Variants in WNT4 observed in about 807,000 individuals in gnomAD.
WNT4 encodes the protein Wnt family member 4.
A neutral mutation model predicts 34.5 loss-of-function variants in WNT4; 16 were observed. That is an observed-to-expected ratio of 0.46 (90% CI 0.31 to 0.70). The LOEUF is 0.70. WNT4 is among the 30% of genes least tolerant of loss of function. The probability of loss-of-function intolerance (pLI) is 0.04; values close to 1 mark genes in which losing one functional copy is unlikely to be tolerated. For missense variants in WNT4, 379 were observed against 495.9 expected (o/e 0.76, Z 2.24); for synonymous variants, 200 against 211.9 (o/e 0.94, Z 0.49).
At chr1:22,127,832 G>A (rs2235525) in intron 2 of WNT4, among the ~76,000 whole-genome samples, 26,049 of 152,178 alleles carry the variant, frequency 0.17, 2,349 homozygotes, top group African/African-American at 0.2. Flanking sequence ...AGAAGGTGTC[G>A]TGGAGGAGGG....
intron 2 of WNT4, among the ~76,000 whole-genome samples, 160 bp downstream of exon 2, chr1:22,129,456 C>T (rs1645965545): frequency 6.6e-6 from 1 of 152,232 alleles, no homozygotes; most frequent in South Asian, 2.1e-4. Context: ...CCTGGGGCCC[C>T]CAACGCTCTG....
chr1:22,130,514 C>T (rs375708112), intron 1 of WNT4, among the ~76,000 whole-genome samples: 1 of 152,360 alleles, frequency 6.6e-6, no homozygotes, highest in East Asian at 1.9e-4. Flanking sequence ...CTCCCTCCCC[C>T]AGGGGCTTGC....
chr1:22,134,512 C>A lies in WNT4; in HGVS notation c.78-4661G>T, dbSNP rs1168630519. 6.6e-6 allele frequency among the ~76,000 whole-genome samples: 1 copy of A among 152,198 alleles called. No homozygotes were observed. On this transcript the variant is annotated intron_variant, in intron 1 of 4. Transcript: ENST00000290167. The surrounding 1 kb of genome is among the most constrained non-coding windows in gnomAD (Gnocchi z 4.1). Reference sequence around the variant, plus strand: ...AGCCTTGGAGACCCTTGTCTTTTGGCATGGCAGGCAGTGCAGAAAGGACAT... The same window carrying A: ...AGCCTTGGAGACCCTTGTCTTTTGGAATGGCAGGCAGTGCAGAAAGGACAT...
chr1:22,122,579 C>G (rs1011624879), intron 2 of WNT4, among the ~76,000 whole-genome samples: 4 of 152,164 alleles, frequency 2.6e-5, no homozygotes, highest in African/African-American at 9.7e-5. Flanking sequence ...GACCAGACAG[C>G]AGACCATGCT....
intron 2 of WNT4, 49 bp downstream of exon 2, chr1:22,129,567 T>G: frequency 6.3e-7 from 1 of 1,579,340 alleles, no homozygotes. Context: ...GCTGGGCCCA[T>G]GCCCTGGCAC....
At position 22,140,496 on chromosome 1, in the gene WNT4, G is replaced by A. The variant is rs1029453054; in HGVS notation, c.77+2350C>T. Among the ~76,000 whole-genome samples, 6 of 152,206 alleles carry A rather than the reference G, an allele frequency of 3.9e-5. No individual in the cohort carries two copies. The highest frequency in any genetic ancestry group is 6.5e-5 in the Admixed American group (1 of 15,278). ...TCACACTCAGCTCTTTCCTCTGACAGCCATAGAGCATGTGCCCTGTTCCAC... is the reference window on the plus strand; with the variant it reads ...TCACACTCAGCTCTTTCCTCTGACAACCATAGAGCATGTGCCCTGTTCCAC... On this transcript the variant is annotated intron_variant, in intron 1 of 4. Transcript: ENST00000290167. The surrounding 1 kb of genome is among the most constrained non-coding windows in gnomAD (Gnocchi z 5.9).
At chr1:22,125,697 C>T (rs996358541) in intron 2 of WNT4, among the ~76,000 whole-genome samples, 6 of 152,066 alleles carry the variant, frequency 3.9e-5, no homozygotes, top group East Asian at 1.9e-4. Flanking sequence ...TGCTCAAGGT[C>T]GCAGAACGAG....
chr1:22,121,418 C>T (rs776551227), intron 3 of WNT4, 27 bp downstream of exon 3: 22 of 1,613,894 alleles, frequency 1.4e-5, no homozygotes, highest in Middle Eastern at 1.6e-4. Flanking sequence ...CCCCTGCCCT[C>T]CCACTCTGAC....
chr1:22,120,233 C>T lies in WNT4; in HGVS notation c.873G>A (p.Thr291=), dbSNP rs770489893. ...EQDMRSGVLG[T]RGRTCNKTSK... Reference sequence around the variant, plus strand: ...ACGTCTTGTTGCATGTGCGGCCCCTCGTGCCCAGCACGCCGCTGCGCATGT... The same window carrying T: ...ACGTCTTGTTGCATGTGCGGCCCCTTGTGCCCAGCACGCCGCTGCGCATGT... The change falls in exon 5 of 5, where the codon ACG becomes ACA. Residue 291 remains threonine, a synonymous_variant. Transcript: ENST00000290167. The T allele has an allele frequency of 1.2e-5, 20 of 1,613,984 alleles. No homozygotes were observed. Among genetic ancestry groups the T allele is most frequent in the African/African-American group, 5.3e-5 (4 of 74,948 alleles).
chr1:22,138,505 A>G (rs1313814811), intron 1 of WNT4, among the ~76,000 whole-genome samples: 1 of 152,108 alleles, frequency 6.6e-6, no homozygotes, highest in Non-Finnish European at 1.5e-5. Flanking sequence ...GTATGCTGCT[A>G]AGTATCCCGC....
chr1:22,121,972 G>A (rs780923715), intron 2 of WNT4, among the ~76,000 whole-genome samples: 27 of 152,168 alleles, frequency 1.8e-4, no homozygotes, highest in Non-Finnish European at 2.6e-4. Flanking sequence ...CAGAAGGTTC[G>A]TGAAGGTTTA....
intron 1 of WNT4, among the ~76,000 whole-genome samples, chr1:22,133,772 T>A (rs1161107761): frequency 6.6e-6 from 1 of 152,196 alleles, no homozygotes; most frequent in African/African-American, 2.4e-5. Flanking sequence ...TGCCCTGATC[T>A]TCTCCAACGG....
chr1:22,126,114 A>G (rs1322504477), intron 2 of WNT4, among the ~76,000 whole-genome samples: 1 of 152,202 alleles, frequency 6.6e-6, no homozygotes, highest in Non-Finnish European at 1.5e-5. Context: ...GCTGTGCCAG[A>G]TACCATCTTT....
rs1164580185 is a variant in WNT4 at position 22,119,592 on chromosome 1, T to TA, written c.*457_*458insT. ...TCAAGCTGCCAGGAGTCCATGTGTA[T>TA]GTGTGCTGGAGAGTTAAGAGTTCTT... On this transcript the variant is annotated 3_prime_UTR_variant, in exon 5 of 5. Transcript: ENST00000290167. 1 of 220,426 alleles carries TA rather than the reference T, an allele frequency of 4.5e-6. No individual in the cohort carries two copies. The highest frequency in any genetic ancestry group is 1.1e-4 in the East Asian group (1 of 9,092). The allele number at this position is 220,426 out of a possible 1,614,324, so 13.7% of individuals were successfully genotyped here. A position where few individuals can be genotyped will look rare whatever the true frequency, so the allele number is the denominator to read the frequency against.
At chr1:22,121,188 G>T (rs1440729684) in intron 4 of WNT4, 23 bp downstream of exon 4, 1 of 1,613,472 alleles carries the variant, frequency 6.2e-7, no homozygotes, top group Non-Finnish European at 8.5e-7. Flanking sequence ...CCCCGCTCTT[G>T]GTGGGGGGTA....
At chr1:22,132,714 G>A (rs772228377) in intron 1 of WNT4, among the ~76,000 whole-genome samples, 22 of 152,306 alleles carry the variant, frequency 1.4e-4, no homozygotes, top group Middle Eastern at 3.4e-3. Context: ...TGCCGTGGCC[G>A]TGAGTCACTG....
At chr1:22,127,635 T>C (rs1424858020) in intron 2 of WNT4, among the ~76,000 whole-genome samples, 1 of 152,204 alleles carries the variant, frequency 6.6e-6, no homozygotes, top group Admixed American at 6.5e-5. Flanking sequence ...CAAAAATGTG[T>C]GTCTATATAT....
chr1:22,120,233 C>A lies in WNT4; in HGVS notation c.873G>T (p.Thr291=). The change falls in exon 5 of 5, where the codon ACG becomes ACT. Residue 291 remains threonine, a synonymous_variant. Coordinates refer to ENST00000290167, the MANE Select transcript of WNT4 (RefSeq NM_030761.5). The part of the protein sequence containing the change: ...EQDMRSGVLG[T]RGRTCNKTSK... ...ACGTCTTGTTGCATGTGCGGCCCCT[C>A]GTGCCCAGCACGCCGCTGCGCATGT... 6.2e-7 allele frequency: 1 copy of A among 1,614,102 alleles called. No individual in the cohort carries two copies. The highest frequency in any genetic ancestry group is 1.7e-5 in the Admixed American group (1 of 60,032).
intron 2 of WNT4, among the ~76,000 whole-genome samples, chr1:22,123,262 A>G (rs988838937): frequency 3.9e-5 from 6 of 151,952 alleles, no homozygotes; most frequent in African/African-American, 2.4e-5. Flanking sequence ...CTTGGCTCCC[A>G]GGCCACCCCG....
Sources: gnomAD v4.1 joint callset for allele counts (sites outside exome capture counted in the v4.1 genomes callset) on GRCh38, gnomAD v4.1.1 for gene constraint, Gnocchi (gnomAD v3.1) non-coding constraint, MANE v1.5 for transcripts, NCBI Gene and HGNC (gene_info 2026-07-23, HGNC 2026-07-21) for gene names.